LGMN: variants seen among roughly 807,000 people sequenced by gnomAD.
The protein encoded by LGMN is asparaginyl endopeptidase.
In LGMN, 36 loss-of-function variants were observed where a neutral mutation model predicts 56.8. The observed-to-expected ratio is 0.63, with a 90% CI of 0.49 to 0.84. The LOEUF is 0.84. Among genes scored for constraint, LGMN ranks in the 40% least tolerant of loss-of-function variants. The pLI is 0.00. For synonymous variants in LGMN, 199 were observed against 210.1 expected (o/e 0.95, Z 0.46); for missense variants, 446 against 556.1 (o/e 0.80, Z 1.99).
rs139973457 is a variant in LGMN, at chr14:92,737,605, C to T, written c.-29-4790G>A. 3.7e-3 allele frequency among the ~76,000 whole-genome samples: 570 copies of T among 152,326 alleles called. 4 individuals carry two copies. The highest frequency in any genetic ancestry group is 0.013 in the African/African-American group (550 of 41,568). On this transcript the variant is annotated intron_variant, in intron 1 of 13. Transcript: ENST00000334869. ...TTCCTCCCCTGCCTTTTAAAAGTGC[C>T]CACTTTCTGCTCCAAAAGCAAAGCA...
At chr14:92,744,158 GA>G (rs1047926104) in intron 1 of LGMN, among the ~76,000 whole-genome samples, 43 of 138,320 alleles carry the variant, frequency 3.1e-4, no homozygotes, top group Admixed American at 8.7e-4. Context: ...TCTCCAAAAA[GA>G]AAAAAAAAAA....
chr14:92,745,275 T>C (rs1313088222), intron 1 of LGMN, among the ~76,000 whole-genome samples: 1 of 152,268 alleles, frequency 6.6e-6, no homozygotes, highest in Non-Finnish European at 1.5e-5. Context: ...CCAGTGCAGT[T>C]TGCAGCCTTT....
At chr14:92,718,563 G>A (rs1241956380) in intron 3 of LGMN, among the ~76,000 whole-genome samples, 184 bp downstream of exon 3, 1 of 151,390 alleles carries the variant, frequency 6.6e-6, no homozygotes, top group African/African-American at 2.4e-5. Flanking sequence ...AACAGAGCAA[G>A]ACTGTCTCAA....
At chr14:92,723,534 T>C (rs1595546644) in intron 2 of LGMN, among the ~76,000 whole-genome samples, 1 of 152,150 alleles carries the variant, frequency 6.6e-6, no homozygotes, top group South Asian at 2.1e-4. Context: ...TATTTGGGAA[T>C]AAACAGGAGT....
intron 3 of LGMN, among the ~76,000 whole-genome samples, chr14:92,717,869 T>C (rs1003381446): frequency 6.6e-6 from 1 of 152,158 alleles, no homozygotes; most frequent in Non-Finnish European, 1.5e-5. Flanking sequence ...GAGTGGGTGA[T>C]GTATGAGCTG....
intron 11 of LGMN, 60 bp from the exon 12 acceptor site, chr14:92,706,713 A>C: frequency 7.0e-7 from 1 of 1,436,728 alleles, no homozygotes. Flanking sequence ...TCAGGGACCC[A>C]GGTGCGGTGA....
rs145770896 is a variant in LGMN, at chr14:92,738,880, G to A, written c.-29-6065C>T. ...CTAATAATACAAAAATTAGCTGGGC[G>A]TGGTGGTATGTACCTGTAGTCCCAG... is the stretch of plus-strand genomic sequence containing the variant. On this transcript the variant is annotated intron_variant, in intron 1 of 13. Transcript: ENST00000334869. Among the ~76,000 whole-genome samples the A allele has an allele frequency of 6.1e-3, 922 of 151,878 alleles. 4 individuals carry two copies. Among genetic ancestry groups the A allele is most frequent in the African/African-American group, 0.021 (861 of 41,478 alleles).
Position 92,714,511 on chromosome 14 carries a change from T to A in LGMN, c.405-60A>T. 8.0e-7 allele frequency: 1 copy of A among 1,250,892 alleles called. No individual in the cohort carries two copies. Among genetic ancestry groups the A allele is most frequent in the Non-Finnish European group, 1.2e-6 (1 of 865,212 alleles). The allele number at this position is 1,250,892 out of a possible 1,614,324, so 77.5% of individuals were successfully genotyped here. A position where few individuals can be genotyped will look rare whatever the true frequency, so the allele number is the denominator to read the frequency against. ...TTTTCTGTTTTTACTTCTATTTCTC[T>A]GAAAAGCTGCCCTAATCAAAAAATT... On this transcript the variant is annotated intron_variant, in intron 5 of 13. Transcript: ENST00000334869. The surrounding 1 kb of genome is among the most constrained non-coding windows in gnomAD (Gnocchi z 5.1).
intron 2 of LGMN, among the ~76,000 whole-genome samples, chr14:92,722,456 G>A (rs773723186): frequency 2.5e-4 from 38 of 152,032 alleles, no homozygotes; most frequent in Non-Finnish European, 1.0e-4. Context: ...GGTGGTGCAT[G>A]CCTGTAATCC....
chr14:92,745,627 T>G (rs915144748), intron 1 of LGMN, among the ~76,000 whole-genome samples: 2 of 152,242 alleles, frequency 1.3e-5, no homozygotes, highest in African/African-American at 4.8e-5. Flanking sequence ...AATGGACATT[T>G]AGGCTGTTTC....
Position 92,709,735 on chromosome 14 carries a change from C to T in LGMN, c.957G>A (p.Leu319=), listed in dbSNP as rs749641140. 3.1e-6 allele frequency: 5 copies of T among 1,613,966 alleles called. No individual in the cohort carries two copies. Among genetic ancestry groups the T allele is most frequent in the East Asian group, 2.2e-5 (1 of 44,900 alleles). ...ACTCCTCCAGATCATTGGTGTTCAT[C>T]AGTTTCCTTTTCATGATGGTGAGAG... is the stretch of plus-strand genomic sequence containing the variant. ...DVPLTIMKRK[L]MNTNDLEESR... is the part of the protein sequence containing the mutation. The change falls in exon 11 of 14, where the codon CTG becomes CTA. Residue 319 remains leucine (L), a synonymous_variant. Transcript: ENST00000334869.
At chr14:92,719,757 C>T (rs1428935285) in intron 2 of LGMN, among the ~76,000 whole-genome samples, 3 of 152,228 alleles carry the variant, frequency 2.0e-5, no homozygotes, top group African/African-American at 4.8e-5. Context: ...CCTGTCCACG[C>T]AAGGGTGAAG....
intron 1 of LGMN, among the ~76,000 whole-genome samples, chr14:92,744,598 T>C (rs1216407342): frequency 6.6e-6 from 1 of 150,706 alleles, no homozygotes; most frequent in Non-Finnish European, 1.5e-5. Flanking sequence ...CCTTTAGTTT[T>C]TTTTTTTTTT....
At chr14:92,724,687 G>A (rs1890658520) in intron 2 of LGMN, among the ~76,000 whole-genome samples, 1 of 152,230 alleles carries the variant, frequency 6.6e-6, no homozygotes, top group South Asian at 2.1e-4. Context: ...TTGTGACTTG[G>A]CTGGTTTGAT....
At chr14:92,720,971 G>A (rs1473186366) in intron 2 of LGMN, among the ~76,000 whole-genome samples, 1 of 151,940 alleles carries the variant, frequency 6.6e-6, no homozygotes, top group Non-Finnish European at 1.5e-5. Context: ...GCTCACTGCA[G>A]CCTCGACTTC....
intron 2 of LGMN, among the ~76,000 whole-genome samples, chr14:92,723,514 A>C (rs1890588710): frequency 6.6e-6 from 1 of 152,220 alleles, no homozygotes; most frequent in Non-Finnish European, 1.5e-5. Flanking sequence ...CTATCCATAC[A>C]ATGGAATGCT....
chr14:92,737,979 C>A (rs1160615795), intron 1 of LGMN, among the ~76,000 whole-genome samples: 1 of 152,142 alleles, frequency 6.6e-6, no homozygotes, highest in African/African-American at 2.4e-5. Context: ...CCTGTTTATT[C>A]TGAGTTTCGT....
intron 2 of LGMN, among the ~76,000 whole-genome samples, chr14:92,719,134 GCCACCGCCA>G: frequency 7.1e-6 from 1 of 139,962 alleles, no homozygotes; most frequent in African/African-American, 2.7e-5. Flanking sequence ...CACAACCACC[GCCACCGCCA>G]CCACCACCGC....
At chr14:92,743,012 T>C (rs1021499259) in intron 1 of LGMN, 8 of 149,410 alleles carry the variant, frequency 5.4e-5, no homozygotes, top group African/African-American at 2.0e-4. Flanking sequence ...GCGAGACCTC[T>C]GTCCTCTGTC....
Sources: allele counts gnomAD v4.1 joint callset (sites outside exome capture counted in the v4.1 genomes callset), GRCh38; gene constraint gnomAD v4.1.1; non-coding constraint Gnocchi (gnomAD v3.1); transcripts MANE v1.5; gene names NCBI Gene and HGNC (gene_info 2026-07-23, HGNC 2026-07-21).